Variants in DLG2 observed in about 807,000 individuals in gnomAD.
DLG2 encodes disks large homolog 2.
DLG2 carries 45 observed loss-of-function variants against 132.5 expected under a neutral mutation model. The ratio of observed to expected loss-of-function variants is 0.34; its 90% CI spans 0.27 to 0.44. The LOEUF is 0.44. DLG2 is among the 20% of genes least tolerant of loss of function. The pLI, the probability that DLG2 is intolerant of heterozygous loss-of-function variation, is 1.00. For synonymous variants in DLG2, 424 were observed against 419.6 expected (o/e 1.01, Z -0.13); for missense variants, 1,045 against 1,196.9 (o/e 0.87, Z 1.87).
chr11:84,860,266 G>A (rs571272118), intron 6 of DLG2, among the ~76,000 whole-genome samples: 1 of 152,120 alleles, frequency 6.6e-6, no homozygotes, highest in Non-Finnish European at 1.5e-5. Flanking sequence ...AAAGAATACT[G>A]TAAACTCCTC....
At chr11:84,603,081 A>C (rs975744206) in intron 6 of DLG2, among the ~76,000 whole-genome samples, 1 of 151,970 alleles carries the variant, frequency 6.6e-6, no homozygotes, top group Non-Finnish European at 1.5e-5. Flanking sequence ...CCTAGGTCAA[A>C]TGTAACATCA....
intron 6 of DLG2, among the ~76,000 whole-genome samples, chr11:85,031,436 G>A (rs1313758951): frequency 6.6e-6 from 1 of 151,980 alleles, no homozygotes; most frequent in East Asian, 1.9e-4. Flanking sequence ...ATATATGATG[G>A]TTTTATTTTT....
chr11:84,546,437 ACCTCTTTT>A (rs1234779540), intron 6 of DLG2: 4 of 222,932 alleles, frequency 1.8e-5, no homozygotes, highest in South Asian at 1.3e-4. Flanking sequence ...AGCCAATTAA[ACCTCTTTT>A]CCTCTTTTCC....
intron 5 of DLG2, among the ~76,000 whole-genome samples, chr11:85,126,705 A>T (rs1480816100): frequency 6.6e-6 from 1 of 152,182 alleles, no homozygotes; most frequent in Non-Finnish European, 1.5e-5. Flanking sequence ...AACCAGTGTC[A>T]TTGGCAGGAT....
chr11:84,928,626 T>C (rs2047685676), intron 6 of DLG2, among the ~76,000 whole-genome samples: 1 of 151,898 alleles, frequency 6.6e-6, no homozygotes, highest in African/African-American at 2.4e-5. Context: ...AGAACTTCCC[T>C]AGTATTTCCA....
intron 4 of DLG2, among the ~76,000 whole-genome samples, chr11:85,189,685 T>C (rs980182632): frequency 1.3e-5 from 2 of 152,200 alleles, no homozygotes; most frequent in East Asian, 1.9e-4. Flanking sequence ...TGATTACATA[T>C]GTTAAAATTC....
In DLG2 at chr11:83,654,698, C is replaced by G. The variant is rs2071777184; in HGVS notation, c.1826-21373G>C. On this transcript the variant is annotated intron_variant, in intron 18 of 27. Coordinates refer to ENST00000376104, the MANE Select transcript of DLG2 (RefSeq NM_001142699.3). Reference sequence around the variant, plus strand: ...ATTGCTGTAACATCTAATGCCCCAGCAGAGAGTCTTGTATGAGCGACTTAA... The same window carrying G: ...ATTGCTGTAACATCTAATGCCCCAGGAGAGAGTCTTGTATGAGCGACTTAA... Among the ~76,000 whole-genome samples the G allele has an allele frequency of 2.0e-5, 3 of 152,330 alleles. No homozygotes were observed. The South Asian group carries it at 6.2e-4, about 32-fold the overall frequency.
At chr11:83,571,344 T>G (rs200438865) in intron 19 of DLG2, among the ~76,000 whole-genome samples, 2 of 150,326 alleles carry the variant, frequency 1.3e-5, no homozygotes, top group East Asian at 3.9e-4. Flanking sequence ...AGTTAAAAAT[T>G]AAAAAAAAAA....
chr11:84,045,447 A>G (rs1347471961), intron 11 of DLG2, among the ~76,000 whole-genome samples: 1 of 151,784 alleles, frequency 6.6e-6, no homozygotes, highest in Non-Finnish European at 1.5e-5. Context: ...CTACAAATAC[A>G]AAATTATTCT....
chr11:85,069,947 T>C (rs1057504166), intron 6 of DLG2, among the ~76,000 whole-genome samples: 1 of 152,042 alleles, frequency 6.6e-6, no homozygotes, highest in Non-Finnish European at 1.5e-5. Flanking sequence ...ATGTGGCACA[T>C]ATACACCATG....
chr11:85,059,689 A>C (rs920717178), intron 6 of DLG2, among the ~76,000 whole-genome samples: 1 of 151,658 alleles, frequency 6.6e-6, no homozygotes, highest in Non-Finnish European at 1.5e-5. Flanking sequence ...GATTCTAGGC[A>C]TATAAGTTTC....
chr11:84,753,123 T>C (rs2066393433), intron 6 of DLG2, among the ~76,000 whole-genome samples: 1 of 152,136 alleles, frequency 6.6e-6, no homozygotes, highest in Non-Finnish European at 1.5e-5. Context: ...ATCACAAAGA[T>C]TTTTGGGCAA....
intron 7 of DLG2, among the ~76,000 whole-genome samples, chr11:84,460,471 C>G (rs2099077489): frequency 6.6e-6 from 1 of 150,392 alleles, no homozygotes; most frequent in South Asian, 2.1e-4. Flanking sequence ...GTACTATACA[C>G]AGAGTTAGCT....
At chr11:83,957,648 C>T (rs924678977) in intron 14 of DLG2, among the ~76,000 whole-genome samples, 1 of 151,556 alleles carries the variant, frequency 6.6e-6, no homozygotes, top group African/African-American at 2.4e-5. Flanking sequence ...TAGACCTACA[C>T]TTTCTCATTA....
chr11:84,863,224 T>C (rs570773974), intron 6 of DLG2, among the ~76,000 whole-genome samples: 2 of 152,226 alleles, frequency 1.3e-5, no homozygotes, highest in South Asian at 2.1e-4. Context: ...GTCTAATGGA[T>C]TGTCCAGTTT....
rs11289593 is a variant in DLG2, at chr11:83,736,442, CAA to C, written c.1825+50246_1825+50247del. On this transcript the variant is annotated intron_variant, in intron 18 of 27. Transcript: ENST00000376104. ...TGTTCTGAAATGCATTTTTTAGATA[CAA>C]AAAAAAAAGAGAAAGATACAGAGAT... Among the ~76,000 whole-genome samples, 27 of 148,308 alleles carry C rather than the reference CAA, an allele frequency of 1.8e-4. 2 individuals are homozygous for C. Among genetic ancestry groups the C allele is most frequent in the African/African-American group, 3.2e-4 (13 of 40,952 alleles).
intron 7 of DLG2, among the ~76,000 whole-genome samples, chr11:84,331,859 C>A (rs1567315305): frequency 1.3e-5 from 2 of 152,160 alleles, no homozygotes; most frequent in African/African-American, 4.8e-5. Context: ...ACATAAATTG[C>A]AAACTACCTG....
Position 85,111,722 on chromosome 11 carries a change from C to G in DLG2, c.296G>C (p.Arg99Thr), listed in dbSNP as rs1284382826. Reference protein sequence around the residue: ...TDETTTQNQGRCPAQNCSVEA... With the variant: ...TDETTTQNQGTCPAQNCSVEA... ...CACTGAACAATTCTGGGCTGGGCAT[C>G]TGCCTTGGTTTTGCTGCAAATAAGT... Residue 99 changes from arginine to threonine, a missense_variant, in exon 6 of 28, where the codon AGA (arginine) becomes ACA (threonine). Coordinates refer to ENST00000376104, the MANE Select transcript of DLG2 (RefSeq NM_001142699.3). The G allele has an allele frequency of 6.4e-7, 1 of 1,558,620 alleles. No individual in the cohort carries two copies. Among genetic ancestry groups the G allele is most frequent in the Non-Finnish European group, 8.7e-7 (1 of 1,150,748 alleles).
intron 6 of DLG2, among the ~76,000 whole-genome samples, chr11:84,667,315 T>C (rs2099700692): frequency 6.6e-6 from 1 of 152,038 alleles, no homozygotes; most frequent in Non-Finnish European, 1.5e-5. Flanking sequence ...ATTATGGATA[T>C]ACAAACATGG....
Sources: gnomAD v4.1 joint callset for allele counts (sites outside exome capture counted in the v4.1 genomes callset) on GRCh38, gnomAD v4.1.1 for gene constraint, MANE v1.5 for transcripts, NCBI Gene and HGNC (gene_info 2026-07-23, HGNC 2026-07-21) for gene names.